Variants in DGKG observed in about 807,000 individuals in gnomAD.
DGKG encodes the protein DAG kinase gamma.
In DGKG, 78 loss-of-function variants were observed where a neutral mutation model predicts 105.3. The ratio of observed to expected loss-of-function variants is 0.74; its 90% CI spans 0.62 to 0.89. DGKG has a LOEUF of 0.89. DGKG is among the 40% of genes least tolerant of loss of function. The pLI is 0.00. For synonymous variants in DGKG, 346 were observed against 367.1 expected (o/e 0.94, Z 0.66); for missense variants, 958 against 1,020.1 (o/e 0.94, Z 0.83).
At chr3:186,325,504 T>C (rs1165952892) in intron 1 of DGKG, among the ~76,000 whole-genome samples, 8 of 152,208 alleles carry the variant, frequency 5.3e-5, no homozygotes. Flanking sequence ...TGTAATTTTG[T>C]AATTGCTCAT....
At chr3:186,239,274 G>T (rs1210336187) in intron 20 of DGKG, among the ~76,000 whole-genome samples, 2 of 152,216 alleles carry the variant, frequency 1.3e-5, no homozygotes, top group African/African-American at 4.8e-5. Context: ...ATCCCTGAGA[G>T]TCCAAACCTG....
At chr3:186,323,271 G>A (rs1006997338) in intron 1 of DGKG, among the ~76,000 whole-genome samples, 4 of 152,254 alleles carry the variant, frequency 2.6e-5, no homozygotes, top group South Asian at 4.1e-4. Flanking sequence ...CTTTGCCATC[G>A]TGCCAGGGAA....
chr3:186,148,275 T>C lies in DGKG; in HGVS notation c.*1815A>G, dbSNP rs1342053388. The C allele has an allele frequency of 1.0e-6, 1 of 985,338 alleles. No homozygotes were observed. Among genetic ancestry groups the C allele is most frequent in the Non-Finnish European group, 1.2e-6 (1 of 829,956 alleles). The allele number at this position is 985,338 out of a possible 1,614,324, so 61.0% of individuals were successfully genotyped here. A position where few individuals can be genotyped will look rare whatever the true frequency, so the allele number is the denominator to read the frequency against. ...CAGTATCTTGCAGAAGACGCCTCAG[T>C]CCTTCTTGTGACTCTCCACTGAGGT... On this transcript the variant is annotated 3_prime_UTR_variant, in exon 25 of 25. Transcript: ENST00000265022.
Position 186,259,810 on chromosome 3 carries a change from C to T in DGKG, c.1424+629G>A, listed in dbSNP as rs148475787. On this transcript the variant is annotated intron_variant, in intron 16 of 24. Transcript: ENST00000265022. ...GGCCGCATCACAGAGACCTGCAGCT[C>T]ACCATTAGCCGCAGACACAGGGACC... is the stretch of plus-strand genomic sequence containing the variant. Among the ~76,000 whole-genome samples the T allele has an allele frequency of 2.7e-3, 404 of 152,286 alleles. 5 individuals carry two copies. Among genetic ancestry groups the T allele is most frequent in the African/African-American group, 9.3e-3 (388 of 41,562 alleles).
intron 9 of DGKG, among the ~76,000 whole-genome samples, chr3:186,277,225 T>C (rs144892768): frequency 6.8e-4 from 104 of 152,386 alleles, no homozygotes; most frequent in African/African-American, 2.4e-3. Context: ...GTAAAGCTTC[T>C]AGTTCAATGC....
intron 20 of DGKG, among the ~76,000 whole-genome samples, chr3:186,240,865 G>T (rs751994958): frequency 3.9e-5 from 6 of 152,082 alleles, no homozygotes; most frequent in Non-Finnish European, 8.8e-5. Context: ...CTGAGGAATG[G>T]GTTGAAGAGG....
At chr3:186,179,688 C>T (rs1408692460) in intron 22 of DGKG, among the ~76,000 whole-genome samples, 1 of 152,214 alleles carries the variant, frequency 6.6e-6, no homozygotes, top group Non-Finnish European at 1.5e-5. Context: ...CCTAACCTGG[C>T]AGAGTCTAGC....
At chr3:186,310,731 C>G (rs373465771) in intron 2 of DGKG, among the ~76,000 whole-genome samples, 26 of 152,336 alleles carry the variant, frequency 1.7e-4, no homozygotes, top group African/African-American at 6.0e-4. Flanking sequence ...GCACTAGATT[C>G]AGAGGACACC....
intron 3 of DGKG, among the ~76,000 whole-genome samples, chr3:186,302,867 G>T (rs1238589392): frequency 2.0e-5 from 3 of 152,118 alleles, no homozygotes; most frequent in Non-Finnish European, 2.9e-5. Context: ...ATCCAACCAT[G>T]CATGTCCCCA....
intron 23 of DGKG, among the ~76,000 whole-genome samples, chr3:186,163,302 C>T (rs1034518207): frequency 5.3e-5 from 8 of 152,134 alleles, no homozygotes; most frequent in Admixed American, 6.6e-5. Context: ...CACCACAGCC[C>T]GCCATAGGTT....
intron 20 of DGKG, among the ~76,000 whole-genome samples, chr3:186,227,237 T>C (rs906441179): frequency 9.2e-5 from 14 of 152,248 alleles, no homozygotes; most frequent in Non-Finnish European, 8.8e-5. Flanking sequence ...ATGTTCTCCT[T>C]ACAAATCCCT....
intron 1 of DGKG, among the ~76,000 whole-genome samples, chr3:186,321,676 C>A (rs1403498157): frequency 6.6e-6 from 1 of 152,188 alleles, no homozygotes; most frequent in Non-Finnish European, 1.5e-5. Context: ...ATGAGCAGTG[C>A]TGGATGAGAC....
At chr3:186,250,854 C>T (rs550916642) in intron 19 of DGKG, among the ~76,000 whole-genome samples, 1 of 152,140 alleles carries the variant, frequency 6.6e-6, no homozygotes, top group African/African-American at 2.4e-5. Flanking sequence ...CTGACCAATT[C>T]TGTCATTCTT....
intron 2 of DGKG, among the ~76,000 whole-genome samples, chr3:186,309,273 A>C (rs1724403111): frequency 6.6e-6 from 1 of 151,978 alleles, no homozygotes; most frequent in Non-Finnish European, 1.5e-5. Context: ...GTATTCTCGG[A>C]AGAGACCAAG....
intron 20 of DGKG, among the ~76,000 whole-genome samples, chr3:186,229,567 C>T (rs12636963): frequency 0.27 from 41,263 of 152,042 alleles, 7,911 homozygotes; most frequent in East Asian, 0.88. Context: ...TTTAGAGCTA[C>T]GAGCGAATAC....
At chr3:186,316,983 G>A (rs1421058845) in intron 2 of DGKG, among the ~76,000 whole-genome samples, 3 of 152,090 alleles carry the variant, frequency 2.0e-5, no homozygotes, top group Non-Finnish European at 2.9e-5. Context: ...TCTCCTGTTC[G>A]AACAACAGTA....
intron 10 of DGKG, among the ~76,000 whole-genome samples, chr3:186,273,713 G>A (rs1423247025): frequency 6.6e-6 from 1 of 152,108 alleles, no homozygotes; most frequent in Non-Finnish European, 1.5e-5. Flanking sequence ...TGGTCTTTGT[G>A]GACAGCGGGC....
chr3:186,189,144 A>C (rs1717786495), intron 21 of DGKG, among the ~76,000 whole-genome samples: 2 of 152,124 alleles, frequency 1.3e-5, no homozygotes, highest in Admixed American at 6.5e-5. Flanking sequence ...CTCCTATTTT[A>C]TCTCTCTGTG....
chr3:186,155,576 A>G (rs907037912), intron 24 of DGKG, among the ~76,000 whole-genome samples: 31 of 152,244 alleles, frequency 2.0e-4, no homozygotes, highest in African/African-American at 7.2e-4. Flanking sequence ...TGTAGACGTG[A>G]CATTCTTATA....
Sources: allele counts gnomAD v4.1 joint callset (sites outside exome capture counted in the v4.1 genomes callset), GRCh38; gene constraint gnomAD v4.1.1; transcripts MANE v1.5; gene names NCBI Gene and HGNC (gene_info 2026-07-23, HGNC 2026-07-21).